Variants in HPS1 observed in about 807,000 individuals in gnomAD.
HPS1 encodes the protein HPS1 biogenesis of lysosomal organelles complex 3 subunit 1.
HPS1 carries 59 observed loss-of-function variants against 90.6 expected under a neutral mutation model. That is an observed-to-expected ratio of 0.65 (90% CI 0.53 to 0.81). HPS1 has a LOEUF of 0.81. Ranked by LOEUF, HPS1 falls within the 30% of genes least tolerant of loss-of-function variation. The pLI, the probability that HPS1 is intolerant of heterozygous loss-of-function variation, is 0.00. For missense variants in HPS1, 849 were observed against 896.7 expected (o/e 0.95, Z 0.68); for synonymous variants, 388 against 384.4 (o/e 1.01, Z -0.11).
In HPS1 at chr10:98,435,552, C is replaced by A; in HGVS notation, c.255+83G>T. The A allele has an allele frequency of 6.2e-7, 1 of 1,609,484 alleles. No individual in the cohort carries two copies. Among genetic ancestry groups the A allele is most frequent in the South Asian group, 1.1e-5 (1 of 90,690 alleles). On this transcript the variant is annotated intron_variant, in intron 4 of 19. Coordinates refer to ENST00000361490, the MANE Select transcript of HPS1 (RefSeq NM_000195.5). The surrounding 1 kb of genome is among the most constrained non-coding windows in gnomAD (Gnocchi z 4.3). ...TGCCGTTTCTGCCTTCTAAAGGAGT[C>A]TAAAGTTCCAAATAAGAGAGGCCTG... is the stretch of plus-strand genomic sequence containing the variant.
rs755032185 is a variant in HPS1 at position 98,418,164 on chromosome 10, C to T, written c.1940+11G>A. 2.5e-5 allele frequency: 40 copies of T among 1,580,436 alleles called. No homozygotes were observed. The highest frequency in any genetic ancestry group is 1.7e-4 in the Middle Eastern group (1 of 5,992). ...GGCATCTGTCCCCAGTGGCTCCCAA[C>T]GCAGCGTCACCTGTAGTAGTCTCCT... On this transcript the variant is annotated intron_variant, in intron 19 of 19. Coordinates refer to ENST00000361490, the MANE Select transcript of HPS1 (RefSeq NM_000195.5).
At chr10:98,436,917 GC>G (rs1404846356) in intron 3 of HPS1, among the ~76,000 whole-genome samples, 2 of 152,206 alleles carry the variant, frequency 1.3e-5, no homozygotes, top group East Asian at 3.8e-4. Context: ...AGGTTTTCCT[GC>G]CAACATTCGG....
chr10:98,417,240 A>C lies in HPS1; in HGVS notation c.*324T>G, dbSNP rs1061123. ...CTTGCTGGGTGGGCTTCCTCCACGCAGGGAACAGCAGAGATGGGGCTTCCT... is the reference window on the plus strand; with the variant it reads ...CTTGCTGGGTGGGCTTCCTCCACGCCGGGAACAGCAGAGATGGGGCTTCCT... On this transcript the variant is annotated 3_prime_UTR_variant, in exon 20 of 20. Coordinates refer to ENST00000361490, the MANE Select transcript of HPS1 (RefSeq NM_000195.5). This position sits in a 1 kb window ranked among gnomAD's most constrained non-coding sequence, Gnocchi z 4.2. 3 of 212,820 alleles carry C rather than the reference A, an allele frequency of 1.4e-5. 1 individual carries two copies. The highest frequency in any genetic ancestry group is 2.7e-4 in the South Asian group (2 of 7,340). The allele number at this position is 212,820 out of a possible 1,614,324, so 13.2% of individuals were successfully genotyped here.
In HPS1 at chr10:98,436,270, T is replaced by C. The variant is rs1024686275; in HGVS notation, c.118-498A>G. On this transcript the variant is annotated intron_variant, in intron 3 of 19. Transcript: ENST00000361490. ...ATCTAGTATCAGGGAAATAGTTAAA[T>C]AAATAGCAGCACATCAAAATTATGG... 1.1e-4 allele frequency among the ~76,000 whole-genome samples: 17 copies of C among 152,136 alleles called. 1 individual carries two copies. Among genetic ancestry groups the C allele is most frequent in the Non-Finnish European group, 2.5e-4 (17 of 68,010 alleles).
chr10:98,417,644 T>C lies in HPS1; in HGVS notation c.2023A>G (p.Ile675Val). The C allele has an allele frequency of 2.5e-6, 4 of 1,613,670 alleles. No individual in the cohort carries two copies. Among genetic ancestry groups the C allele is most frequent in the Non-Finnish European group, 3.4e-6 (4 of 1,179,940 alleles). Residue 675 changes from isoleucine (I) to valine (V), a missense_variant, in exon 20 of 20, where the codon ATC (isoleucine) becomes GTC (valine). By Grantham distance (29) the Ile-to-Val change is conservative. Coordinates refer to ENST00000361490, the MANE Select transcript of HPS1 (RefSeq NM_000195.5). This position sits in a 1 kb window ranked among gnomAD's most constrained non-coding sequence, Gnocchi z 4.2. The stretch of plus-strand genomic sequence containing the variant: ...TGCTGCACCAGCAGGTCAGTGGGGA[T>C]GACAGACAGGTGCAGGGCCAGCAGC... ...YELLALHLSVIPTDLLVQQAG... is the reference protein window; with the variant it reads ...YELLALHLSVVPTDLLVQQAG...
At chr10:98,421,960 A>G (rs1267849771) in intron 17 of HPS1, among the ~76,000 whole-genome samples, 1 of 144,036 alleles carries the variant, frequency 6.9e-6, no homozygotes, top group Non-Finnish European at 1.5e-5. Context: ...ACAAAGAAAG[A>G]AAAGAACACA....
In HPS1 at chr10:98,445,378, T is replaced by C. The variant is rs1336929548; in HGVS notation, c.-79A>G. The C allele has an allele frequency of 1.3e-5, 2 of 152,806 alleles. No individual in the cohort carries two copies. Among genetic ancestry groups the C allele is most frequent in the African/African-American group, 2.4e-5 (1 of 41,460 alleles). The allele number at this position is 152,806 out of a possible 1,614,324, so 9.5% of individuals were successfully genotyped here. ...GCAGACCGACTCGGTGACTGGCTCATGGGAGAGCAGCACAGCATCCCTGGT... is the reference window on the plus strand; with the variant it reads ...GCAGACCGACTCGGTGACTGGCTCACGGGAGAGCAGCACAGCATCCCTGGT... On this transcript the variant is annotated 5_prime_UTR_variant, in exon 2 of 20. It removes an upstream start codon present in the reference 5' UTR. Coordinates refer to ENST00000361490, the MANE Select transcript of HPS1 (RefSeq NM_000195.5). The surrounding 1 kb of genome is among the most constrained non-coding windows in gnomAD (Gnocchi z 4.5).
chr10:98,425,520 G>A (rs752149354), intron 13 of HPS1, 21 bp downstream of exon 13: 4 of 1,600,902 alleles, frequency 2.5e-6, no homozygotes, highest in Non-Finnish European at 2.6e-6. Flanking sequence ...CAGGTGGGGA[G>A]GACTGGAACT....
intron 3 of HPS1, among the ~76,000 whole-genome samples, chr10:98,441,774 AAC>A (rs1362865050): frequency 1.3e-5 from 2 of 152,258 alleles, no homozygotes; most frequent in African/African-American, 4.8e-5. Context: ...TGAAATTTAA[AAC>A]ACAGTGAGAT....
intron 5 of HPS1, among the ~76,000 whole-genome samples, chr10:98,434,676 A>G (rs541965253): frequency 5.3e-5 from 8 of 152,132 alleles, no homozygotes; most frequent in Admixed American, 5.2e-4. Flanking sequence ...AATCCATCTT[A>G]GAGAATCAGG....
In HPS1 at chr10:98,417,252, AGATGGG is replaced by A; in HGVS notation, c.*306_*311del. On this transcript the variant is annotated 3_prime_UTR_variant, in exon 20 of 20. Coordinates refer to ENST00000361490, the MANE Select transcript of HPS1 (RefSeq NM_000195.5). This position sits in a 1 kb window ranked among gnomAD's most constrained non-coding sequence, Gnocchi z 4.2. ...GCTTCCTCCACGCAGGGAACAGCAGAGATGGGGCTTCCTCCCCATCTCCCAGGATAA... is the reference window on the plus strand; with the variant it reads ...GCTTCCTCCACGCAGGGAACAGCAGAGCTTCCTCCCCATCTCCCAGGATAA... 1 of 260,768 alleles carries A rather than the reference AGATGGG, an allele frequency of 3.8e-6. No individual in the cohort carries two copies. Among genetic ancestry groups the A allele is most frequent in the Non-Finnish European group, 7.3e-6 (1 of 137,750 alleles). The allele number at this position is 260,768 out of a possible 1,614,324, so 16.2% of individuals were successfully genotyped here. A position where few individuals can be genotyped will look rare whatever the true frequency, so the allele number is the denominator to read the frequency against.
intron 16 of HPS1, among the ~76,000 whole-genome samples, chr10:98,423,280 C>CCA (rs34730930): frequency 1.5e-5 from 1 of 67,708 alleles, no homozygotes; most frequent in African/African-American, 8.1e-5. Context: ...ACCACAGGAA[C>CCA]CCCCCCCCCG....
chr10:98,418,529 G>A (rs1258147994), intron 18 of HPS1, among the ~76,000 whole-genome samples: 1 of 152,226 alleles, frequency 6.6e-6, no homozygotes, highest in Non-Finnish European at 1.5e-5. Flanking sequence ...ACGCTCAGGA[G>A]GGCACCCTGC....
rs556183486 is a variant in HPS1 at position 98,446,153 on chromosome 10, G to C, written c.-106+654C>G. Among the ~76,000 whole-genome samples the C allele has an allele frequency of 1.1e-4, 17 of 150,336 alleles. No individual in the cohort carries two copies. The South Asian group carries it at 2.9e-3, about 26-fold the overall frequency. On this transcript the variant is annotated intron_variant, in intron 1 of 19. Coordinates refer to ENST00000361490, the MANE Select transcript of HPS1 (RefSeq NM_000195.5). The stretch of plus-strand genomic sequence containing the variant: ...GTCAAGCACTGTGAGCCAGTAAGAG[G>C]CAAGTGACTACCCGCCACAGAGACT...
At chr10:98,418,511 A>C (rs1844418756) in intron 18 of HPS1, among the ~76,000 whole-genome samples, 1 of 152,226 alleles carries the variant, frequency 6.6e-6, no homozygotes, top group Non-Finnish European at 1.5e-5. Flanking sequence ...TGTACAGGCC[A>C]CAAACACACG....
At chr10:98,443,066 G>A in intron 3 of HPS1, 58 bp downstream of exon 3, 1 of 1,200,108 alleles carries the variant, frequency 8.3e-7, no homozygotes, top group Non-Finnish European at 1.2e-6. Flanking sequence ...TGCCTGCTGG[G>A]AGTTTTGTAT....
At position 98,418,276 on chromosome 10, in the gene HPS1, G is replaced by A. The variant is rs1564825120; in HGVS notation, c.1858-19C>T. On this transcript the variant is annotated intron_variant, in intron 18 of 19. Transcript: ENST00000361490. ...TGTACCCCTGAGGAGGGAGGACAGGGAGGCAGTGGGTGTGGGGGTAGTGCA... is the reference window on the plus strand; with the variant it reads ...TGTACCCCTGAGGAGGGAGGACAGGAAGGCAGTGGGTGTGGGGGTAGTGCA... 5.3e-6 allele frequency: 8 copies of A among 1,522,064 alleles called. No individual in the cohort carries two copies. In the South Asian group the frequency reaches 7.0e-5, roughly 13 times the overall value. 94.3% of individuals were successfully genotyped at this position (1,522,064 alleles called of 1,614,324 possible). A position where few individuals can be genotyped will look rare whatever the true frequency, so the allele number is the denominator to read the frequency against.
intron 2 of HPS1, among the ~76,000 whole-genome samples, chr10:98,444,720 T>C (rs920674101): frequency 6.6e-6 from 1 of 152,230 alleles, no homozygotes; most frequent in Admixed American, 6.5e-5. Flanking sequence ...CCAAGGTATT[T>C]ATGGCAAATG....
intron 8 of HPS1, 58 bp from the exon 9 acceptor site, chr10:98,429,947 C>G: frequency 6.8e-7 from 1 of 1,480,226 alleles, no homozygotes; most frequent in South Asian, 1.1e-5. Flanking sequence ...CCCTCCACCC[C>G]TTCTGCCTCC....
Sources: gnomAD v4.1 joint callset for allele counts (sites outside exome capture counted in the v4.1 genomes callset) on GRCh38, gnomAD v4.1.1 for gene constraint, Gnocchi (gnomAD v3.1) non-coding constraint, MANE v1.5 for transcripts, NCBI Gene and HGNC (gene_info 2026-07-23, HGNC 2026-07-21) for gene names.